Variants in RANBP2 observed in about 807,000 individuals in gnomAD.
RANBP2 encodes E3 SUMO-protein ligase RanBP2.
Under a neutral mutation model 303.6 loss-of-function variants are expected in RANBP2, and 57 were observed. That is an observed-to-expected ratio of 0.19 (90% CI 0.15 to 0.23). RANBP2 has a LOEUF of 0.23. Among genes scored for constraint, RANBP2 ranks in the 10% least tolerant of loss-of-function variants. The pLI is 1.00. For synonymous variants in RANBP2, 1,167 were observed against 1,301.5 expected, an observed-to-expected ratio of 0.90 and a Z score of 2.23; for missense variants, 3,138 against 3,780.8, an observed-to-expected ratio of 0.83 and a Z score of 4.46.
chr2:109,534,803 TTTTG>T, the RANBP2 span, among the ~76,000 whole-genome samples: 43 of 151,260 alleles, frequency 2.8e-4, no homozygotes, highest in Middle Eastern at 3.4e-3. Context: ...GTGAAAGTTG[TTTTG>T]TTTTGTTTTG....
In RANBP2 at chr2:108,749,048, A is replaced by G. The variant is rs769873183; in HGVS notation, c.1192A>G (p.Thr398Ala). The G allele has an allele frequency of 1.2e-6, 2 of 1,611,996 alleles. No individual in the cohort carries two copies. Among genetic ancestry groups the G allele is most frequent in the Non-Finnish European group, 1.7e-6 (2 of 1,179,864 alleles). Residue 398 changes from threonine to alanine, a missense_variant, in exon 9 of 29, where the codon ACA becomes GCA. Thr to Ala is a moderately conservative substitution (Grantham distance 58). Around this residue, in one of 20 missense-constraint regions of RANBP2, gnomAD observed 95 missense variants for 86.4 expected, o/e 1.10. Coordinates refer to ENST00000283195, the MANE Select transcript of RANBP2 (RefSeq NM_006267.5). ...ALFSSQSPKDTSFLGSDDIGN... is the reference protein window; with the variant it reads ...ALFSSQSPKDASFLGSDDIGN... Reference sequence around the variant, plus strand: ...GTTTTCTAGTCAGTCACCTAAGGATACATCTTTTCTTGGTAGCGATGATAT... The same window carrying G: ...GTTTTCTAGTCAGTCACCTAAGGATGCATCTTTTCTTGGTAGCGATGATAT...
At chr2:109,446,216 A>G in the RANBP2 span, among the ~76,000 whole-genome samples, 7 of 152,244 alleles carry the variant, frequency 4.6e-5, no homozygotes, top group Admixed American at 3.3e-4. Context: ...CTCACGCTAC[A>G]GTTTTTCTTC....
chr2:109,449,221 C>T, the RANBP2 span: 6 of 1,613,486 alleles, frequency 3.7e-6, no homozygotes, highest in Non-Finnish European at 1.7e-6. Context: ...ACCGTGTCAC[C>T]CCTGCGCACC....
the RANBP2 span, among the ~76,000 whole-genome samples, chr2:109,551,283 T>C: frequency 0.011 from 1,713 of 152,358 alleles, 12 homozygotes; most frequent in Non-Finnish European, 0.017. Flanking sequence ...TTCACAACAA[T>C]ATTGGCAAGG....
At chr2:109,286,083 C>G in the RANBP2 span, among the ~76,000 whole-genome samples, 3 of 152,182 alleles carry the variant, frequency 2.0e-5, no homozygotes, top group Non-Finnish European at 2.9e-5. Context: ...ATTCAGGTGC[C>G]TATCATTACA....
chr2:108,983,124 C>T, the RANBP2 span, among the ~76,000 whole-genome samples: 1 of 152,188 alleles, frequency 6.6e-6, no homozygotes, highest in Non-Finnish European at 1.5e-5. Flanking sequence ...TGTCAGTGCC[C>T]TCCCTTGGCC....
chr2:109,248,772 C>T, the RANBP2 span, among the ~76,000 whole-genome samples: 1 of 149,960 alleles, frequency 6.7e-6, no homozygotes, highest in Non-Finnish European at 1.5e-5. Context: ...CTCTCTCTTT[C>T]TCTTCTTTCT....
chr2:108,989,385 T>C, the RANBP2 span: 2 of 152,712 alleles, frequency 1.3e-5, no homozygotes, highest in East Asian at 3.9e-4. Context: ...AAGAGATCTG[T>C]TGGAATGCGT....
chr2:109,518,101 C>T, the RANBP2 span, among the ~76,000 whole-genome samples: 36 of 152,242 alleles, frequency 2.4e-4, no homozygotes, highest in Admixed American at 2.4e-3. Flanking sequence ...TTCTAATTGG[C>T]GGCATTTGAA....
chr2:109,544,413 A>G, the RANBP2 span: 1 of 1,485,670 alleles, frequency 6.7e-7, no homozygotes, highest in African/African-American at 1.4e-5. Context: ...ATTATAGGAT[A>G]TCTGGCCATG....
chr2:108,821,206 A>C, the RANBP2 span, among the ~76,000 whole-genome samples: 2 of 152,076 alleles, frequency 1.3e-5, no homozygotes, highest in Non-Finnish European at 2.9e-5. Context: ...AAAAGTATAA[A>C]AATTAGCCAG....
chr2:108,943,042 C>A, the RANBP2 span, among the ~76,000 whole-genome samples: 1 of 152,200 alleles, frequency 6.6e-6, no homozygotes, highest in East Asian at 1.9e-4. Flanking sequence ...TATAAATAAC[C>A]ATTACATGTC....
the RANBP2 span, among the ~76,000 whole-genome samples, chr2:109,430,888 A>G: frequency 6.6e-6 from 1 of 152,228 alleles, no homozygotes; most frequent in African/African-American, 2.4e-5. Flanking sequence ...TGGAGCCCAC[A>G]GCATGTCCCT....
chr2:109,275,714 C>T, the RANBP2 span, among the ~76,000 whole-genome samples: 1 of 152,178 alleles, frequency 6.6e-6, no homozygotes, highest in East Asian at 1.9e-4. Flanking sequence ...TTCCTCATCT[C>T]GCTGTTTGCC....
At chr2:108,965,061 TA>T in the RANBP2 span, among the ~76,000 whole-genome samples, 3 of 152,186 alleles carry the variant, frequency 2.0e-5, no homozygotes, top group Non-Finnish European at 4.4e-5. Context: ...AAACATTTTT[TA>T]ACTATGCCAC....
the RANBP2 span, among the ~76,000 whole-genome samples, chr2:108,830,940 C>T: frequency 9.2e-5 from 14 of 152,074 alleles, no homozygotes; most frequent in Non-Finnish European, 1.2e-4. Context: ...TTTGGGATGC[C>T]GAGGCAGGCA....
chr2:109,460,278 A>C, the RANBP2 span, among the ~76,000 whole-genome samples: 1 of 152,136 alleles, frequency 6.6e-6, no homozygotes, highest in Non-Finnish European at 1.5e-5. Flanking sequence ...TATCCATTCC[A>C]GGAAGGACAA....
the RANBP2 span, among the ~76,000 whole-genome samples, chr2:109,009,702 CTTTTTTTTG>C: frequency 8.1e-6 from 1 of 123,100 alleles, no homozygotes; most frequent in Non-Finnish European, 1.7e-5. Context: ...ACATTTTTAC[CTTTTTTTTG>C]TTTTTTTTTT....
the RANBP2 span, among the ~76,000 whole-genome samples, chr2:108,943,180 T>A: frequency 6.6e-6 from 1 of 152,178 alleles, no homozygotes; most frequent in South Asian, 2.1e-4. Flanking sequence ...AGAATTCGTT[T>A]CTTCGTCATT....
Sources: allele counts gnomAD v4.1 joint callset (sites outside exome capture counted in the v4.1 genomes callset), GRCh38; gene constraint gnomAD v4.1.1; regional missense constraint gnomAD v4.1.1; transcripts MANE v1.5; gene names NCBI Gene and HGNC (gene_info 2026-07-23, HGNC 2026-07-21).